The following DEFB119 variants were observed in gnomAD, a reference collection of about 807,000 sequenced individuals.
DEFB119 encodes the protein beta-defensin 119.
DEFB119 carries 3 observed loss-of-function variants against 2.5 expected under a neutral mutation model. The observed-to-expected ratio is 1.19, with a 90% confidence interval of 0.54 to 3.07. DEFB119 has a LOEUF of 3.07. Ranked by LOEUF, DEFB119 falls within the 30% of genes most tolerant of loss-of-function variation. The probability of loss-of-function intolerance (pLI) is 0.03; values close to 1 mark genes in which losing one functional copy is unlikely to be tolerated. For synonymous variants in DEFB119, 29 were observed against 33.7 expected (o/e 0.86, Z 0.48); for missense variants, 113 against 101.1 (o/e 1.12, Z -0.50).
chr20:31,380,645 G>A (rs1467650441), intron 1 of DEFB119, among the ~76,000 whole-genome samples: 6 of 151,070 alleles, frequency 4.0e-5, no homozygotes, highest in Non-Finnish European at 7.4e-5. Context: ...TTCGCCTGTA[G>A]ATGTTCAATT....
At chr20:31,380,764 T>A (rs1055738846) in intron 1 of DEFB119, among the ~76,000 whole-genome samples, 1 of 152,188 alleles carries the variant, frequency 6.6e-6, no homozygotes, top group Non-Finnish European at 1.5e-5. Context: ...GAGTTCCCTA[T>A]TCTGTTCCAT....
chr20:31,377,502 C>A, intron 1 of DEFB119, 63 bp from the exon 2 acceptor site: 1 of 1,523,368 alleles, frequency 6.6e-7, no homozygotes, highest in African/African-American at 1.4e-5. Flanking sequence ...TCTGATAAGT[C>A]GGGAAGCATC....
intron 1 of DEFB119, among the ~76,000 whole-genome samples, chr20:31,380,436 AT>A (rs1986465567): frequency 6.6e-6 from 1 of 151,716 alleles, no homozygotes; most frequent in African/African-American, 2.4e-5. Flanking sequence ...CAGCTAATTT[AT>A]TTTATTTTTG....
intron 1 of DEFB119, among the ~76,000 whole-genome samples, chr20:31,383,353 G>A (rs1004348348): frequency 3.3e-5 from 5 of 151,564 alleles, no homozygotes; most frequent in Non-Finnish European, 7.4e-5. Context: ...AACAAGCCTG[G>A]CCAACATGGT....
chr20:31,388,111 C>G (rs931744855), intron 1 of DEFB119: 1 of 985,344 alleles, frequency 1.0e-6, no homozygotes, highest in Non-Finnish European at 1.2e-6. Context: ...AGAATAAAGT[C>G]TGGGAAGACA....
intron 1 of DEFB119, chr20:31,378,506 C>A: frequency 6.7e-7 from 1 of 1,486,418 alleles, no homozygotes; most frequent in South Asian, 1.3e-5. Flanking sequence ...ATACTGAGAA[C>A]CAGGAAAATC....
At chr20:31,386,926 G>A (rs1209727138) in intron 1 of DEFB119, among the ~76,000 whole-genome samples, 1 of 144,746 alleles carries the variant, frequency 6.9e-6, no homozygotes, top group Non-Finnish European at 1.5e-5. Context: ...CCATTCTCCT[G>A]CCTCAGCCTC....
intron 1 of DEFB119, among the ~76,000 whole-genome samples, chr20:31,386,780 A>G (rs1986716242): frequency 7.7e-6 from 1 of 130,016 alleles, no homozygotes; most frequent in Non-Finnish European, 1.7e-5. Flanking sequence ...ACAATCATTT[A>G]TTGCGTATTT....
At chr20:31,377,532 G>C (rs1323439308) in intron 1 of DEFB119, 93 bp from the exon 2 acceptor site, 23 of 1,372,950 alleles carry the variant, frequency 1.7e-5, no homozygotes, top group Non-Finnish European at 2.2e-5. Flanking sequence ...TAAAGGGGGA[G>C]CAGGGAGAAA....
chr20:31,379,330 CT>C (rs1986422146), intron 1 of DEFB119, among the ~76,000 whole-genome samples: 1 of 152,168 alleles, frequency 6.6e-6, no homozygotes, highest in African/African-American at 2.4e-5. Flanking sequence ...TTTAGCTGCT[CT>C]AATAAGTATG....
intron 1 of DEFB119, among the ~76,000 whole-genome samples, chr20:31,382,613 C>G (rs1986539972): frequency 6.6e-6 from 1 of 152,246 alleles, no homozygotes. Context: ...AGACCTAACA[C>G]AGTGGTCCTC....
chr20:31,387,421 A>G (rs998669462), intron 1 of DEFB119, among the ~76,000 whole-genome samples: 31 of 152,216 alleles, frequency 2.0e-4, no homozygotes, highest in African/African-American at 6.8e-4. Flanking sequence ...GCATACTTAA[A>G]TGTTTTAATC....
intron 1 of DEFB119, among the ~76,000 whole-genome samples, chr20:31,378,559 A>C (rs2206383): frequency 0.84 from 128,374 of 152,204 alleles, 54,226 homozygotes; most frequent in African/African-American, 0.9. Flanking sequence ...AACTGAGAGC[A>C]ACCCAAGTTG....
At chr20:31,389,215 T>A (rs372699127) in intron 1 of DEFB119, 32 of 1,613,990 alleles carry the variant, frequency 2.0e-5, no homozygotes, top group Middle Eastern at 1.6e-4. Context: ...GCAGTGTCCA[T>A]CCATCCAACA....
chr20:31,380,123 G>A (rs1005336095), intron 1 of DEFB119, among the ~76,000 whole-genome samples: 4 of 152,102 alleles, frequency 2.6e-5, no homozygotes, highest in African/African-American at 7.2e-5. Context: ...TTGAGTAAGT[G>A]CAATTTATTG....
intron 1 of DEFB119, among the ~76,000 whole-genome samples, chr20:31,381,274 C>A (rs1986496439): frequency 6.6e-6 from 1 of 152,146 alleles, no homozygotes; most frequent in Non-Finnish European, 1.5e-5. Flanking sequence ...TATCCTGGGA[C>A]CTTACTGAAC....
intron 1 of DEFB119, among the ~76,000 whole-genome samples, chr20:31,381,624 G>T (rs557518655): frequency 6.6e-6 from 1 of 152,270 alleles, no homozygotes; most frequent in Admixed American, 6.5e-5. Context: ...ACCAGCCTGG[G>T]TGACATGGCA....
intron 1 of DEFB119, among the ~76,000 whole-genome samples, chr20:31,384,960 C>A (rs1276698441): frequency 6.6e-6 from 1 of 151,972 alleles, no homozygotes; most frequent in Non-Finnish European, 1.5e-5. Context: ...TGAATTTAGA[C>A]AATGTTATTG....
chr20:31,387,688 C>A (rs982220757), intron 1 of DEFB119, among the ~76,000 whole-genome samples: 1 of 152,122 alleles, frequency 6.6e-6, no homozygotes, highest in African/African-American at 2.4e-5. Flanking sequence ...ACCCAGTGGG[C>A]CCCACCCTCC....
Sources: gnomAD v4.1 joint callset for allele counts (sites outside exome capture counted in the v4.1 genomes callset) on GRCh38, gnomAD v4.1.1 for gene constraint, MANE v1.5 for transcripts, NCBI Gene and HGNC (gene_info 2026-07-23, HGNC 2026-07-21) for gene names.